The following FAM13A variants were observed in gnomAD, a reference collection of about 807,000 sequenced individuals.
The protein encoded by FAM13A is family with sequence similarity 13 member A.
In FAM13A, 76 loss-of-function variants were observed where a neutral mutation model predicts 129.6. The observed-to-expected ratio is 0.59, with a 90% CI of 0.49 to 0.71. The LOEUF (loss-of-function observed/expected upper bound fraction) is 0.71. Among genes scored for constraint, FAM13A ranks in the 30% least tolerant of loss-of-function variants. The pLI is 0.00. For missense variants in FAM13A, 1,108 were observed against 1,249.3 expected (o/e 0.89, Z 1.70); for synonymous variants, 443 against 449.9 (o/e 0.98, Z 0.20).
At chr4:88,870,464 G>C (rs181265933) in intron 6 of FAM13A, among the ~76,000 whole-genome samples, 34 of 152,326 alleles carry the variant, frequency 2.2e-4, no homozygotes, top group Admixed American at 2.0e-3. Context: ...TTAGCAAATG[G>C]CACACCAGGA....
chr4:88,884,101 T>A (rs1381370511), intron 6 of FAM13A, among the ~76,000 whole-genome samples: 2 of 152,040 alleles, frequency 1.3e-5, no homozygotes, highest in Non-Finnish European at 2.9e-5. Flanking sequence ...TTGGTACCAA[T>A]CCTATTGACA....
At chr4:89,009,873 G>A (rs1259074217) in intron 3 of FAM13A, among the ~76,000 whole-genome samples, 1 of 152,100 alleles carries the variant, frequency 6.6e-6, no homozygotes, top group African/African-American at 2.4e-5. Flanking sequence ...AGAACCTTCT[G>A]CAACAGATGC....
intron 20 of FAM13A, among the ~76,000 whole-genome samples, chr4:88,738,741 T>C (rs760877381): frequency 6.6e-6 from 1 of 152,198 alleles, no homozygotes; most frequent in Non-Finnish European, 1.5e-5. Flanking sequence ...GCTCCATCTC[T>C]GACCCAGTAT....
At chr4:88,779,661 A>G (rs1722477682) in intron 11 of FAM13A, among the ~76,000 whole-genome samples, 1 of 152,210 alleles carries the variant, frequency 6.6e-6, no homozygotes, top group Admixed American at 6.5e-5. Flanking sequence ...ATTCTTTCAC[A>G]TAAAAAACCC....
intron 4 of FAM13A, among the ~76,000 whole-genome samples, chr4:88,940,742 C>A (rs977295369): frequency 6.6e-6 from 1 of 152,136 alleles, no homozygotes; most frequent in Non-Finnish European, 1.5e-5. Context: ...CAGATCCTGT[C>A]GATCAAATCA....
At chr4:88,968,672 C>T (rs1230159347) in intron 4 of FAM13A, among the ~76,000 whole-genome samples, 1 of 152,022 alleles carries the variant, frequency 6.6e-6, no homozygotes, top group African/African-American at 2.4e-5. Flanking sequence ...TTTTCTCCCA[C>T]CCCACTTTCT....
At chr4:88,860,004 CT>C (rs1270785629) in intron 6 of FAM13A, among the ~76,000 whole-genome samples, 6 of 152,166 alleles carry the variant, frequency 3.9e-5, no homozygotes, top group African/African-American at 1.4e-4. Context: ...TTTGTTGCTT[CT>C]TTCCCCCTCC....
intron 11 of FAM13A, among the ~76,000 whole-genome samples, chr4:88,777,610 G>T (rs1172486760): frequency 6.6e-6 from 1 of 152,144 alleles, no homozygotes; most frequent in African/African-American, 2.4e-5. Flanking sequence ...TCCTCGGGAG[G>T]CAAGGGACAG....
chr4:88,922,227 C>T (rs1251002131), intron 5 of FAM13A, among the ~76,000 whole-genome samples: 2 of 152,062 alleles, frequency 1.3e-5, no homozygotes, highest in African/African-American at 4.8e-5. Flanking sequence ...GAACTCTCCA[C>T]CCCACATCAG....
intron 1 of FAM13A, among the ~76,000 whole-genome samples, chr4:89,054,953 A>T (rs144961219): frequency 2.0e-4 from 30 of 152,228 alleles, no homozygotes; most frequent in African/African-American, 7.0e-4. Context: ...GCAGCTCCCT[A>T]CTTCTCTCTT....
chr4:88,957,332 A>G (rs1757914086), intron 4 of FAM13A, among the ~76,000 whole-genome samples: 1 of 151,932 alleles, frequency 6.6e-6, no homozygotes, highest in Non-Finnish European at 1.5e-5. Context: ...CTGTCTCAAA[A>G]AAAAAAAGTG....
At chr4:88,923,802 C>T (rs1394372295) in intron 5 of FAM13A, among the ~76,000 whole-genome samples, 1 of 151,842 alleles carries the variant, frequency 6.6e-6, no homozygotes, top group African/African-American at 2.4e-5. Flanking sequence ...ATCTAGAAAA[C>T]CCCATTGTCT....
intron 1 of FAM13A, among the ~76,000 whole-genome samples, chr4:89,045,475 A>G (rs1012500999): frequency 2.0e-5 from 3 of 152,234 alleles, no homozygotes; most frequent in Non-Finnish European, 4.4e-5. Context: ...ATTTAAAGAC[A>G]TAATTCACAA....
intron 7 of FAM13A, among the ~76,000 whole-genome samples, chr4:88,846,171 C>T (rs1467892072): frequency 6.6e-6 from 1 of 152,170 alleles, no homozygotes; most frequent in Non-Finnish European, 1.5e-5. Flanking sequence ...TCTGTTTACA[C>T]TCAAACCTAA....
intron 5 of FAM13A, among the ~76,000 whole-genome samples, chr4:88,932,996 A>G (rs543376245): frequency 1.3e-5 from 2 of 152,334 alleles, no homozygotes; most frequent in South Asian, 2.1e-4. Context: ...ATAGGTTAAA[A>G]TGACTATTGA....
chr4:88,731,504 C>A, intron 22 of FAM13A, 76 bp from the exon 23 acceptor site: 1 of 846,526 alleles, frequency 1.2e-6, no homozygotes, highest in Non-Finnish European at 1.9e-6. Context: ...TGTAACTCAA[C>A]AGGAGCTGTG....
chr4:88,831,711 A>G (rs1733907628), intron 7 of FAM13A, among the ~76,000 whole-genome samples: 1 of 152,216 alleles, frequency 6.6e-6, no homozygotes, highest in Non-Finnish European at 1.5e-5. Flanking sequence ...CTCTTCAAGG[A>G]GAAGTACAAA....
intron 7 of FAM13A, among the ~76,000 whole-genome samples, chr4:88,826,328 A>C (rs1046217776): frequency 2.0e-5 from 3 of 151,784 alleles, no homozygotes; most frequent in Non-Finnish European, 2.9e-5. Context: ...AAAAAAAAAA[A>C]AAACCATTCC....
At chr4:88,776,856 C>T (rs1310696050) in intron 11 of FAM13A, among the ~76,000 whole-genome samples, 1 of 152,070 alleles carries the variant, frequency 6.6e-6, no homozygotes, top group Non-Finnish European at 1.5e-5. Context: ...CGCCTGTAAA[C>T]CCAGCTACTC....
Sources: gnomAD v4.1 joint callset for allele counts (sites outside exome capture counted in the v4.1 genomes callset) on GRCh38, gnomAD v4.1.1 for gene constraint, MANE v1.5 for transcripts, NCBI Gene and HGNC (gene_info 2026-07-23, HGNC 2026-07-21) for gene names.